Variants in PLCZ1 observed in about 807,000 individuals in gnomAD.
The protein encoded by PLCZ1 is 1-phosphatidylinositol 4,5-bisphosphate phosphodiesterase zeta-1.
A neutral mutation model predicts 76.8 loss-of-function variants in PLCZ1; 64 were observed. The observed-to-expected ratio is 0.83, with a 90% CI of 0.68 to 1.03. PLCZ1 has a LOEUF of 1.03. Among genes scored for constraint, PLCZ1 ranks in the 50% least tolerant of loss-of-function variants. The pLI, the probability that PLCZ1 is intolerant of heterozygous loss-of-function variation, is 0.00. For missense variants in PLCZ1, 751 were observed against 713.7 expected (o/e 1.05, Z -0.60); for synonymous variants, 248 against 230.8 (o/e 1.07, Z -0.68).
chr12:18,701,078 A>G (rs745307611), intron 9 of PLCZ1, among the ~76,000 whole-genome samples: 1 of 151,732 alleles, frequency 6.6e-6, no homozygotes, highest in Non-Finnish European at 1.5e-5. Flanking sequence ...TCCGCGTCCC[A>G]GGTTCAAGCA....
At chr12:18,662,389 T>G in the PLCZ1 span, among the ~76,000 whole-genome samples, 1 of 151,966 alleles carries the variant, frequency 6.6e-6, no homozygotes, top group African/African-American at 2.4e-5. Flanking sequence ...GAGAAATAAA[T>G]TTTGTTTATC....
At position 18,701,542 on chromosome 12, in the gene PLCZ1, C is replaced by T. The variant is rs528644759; in HGVS notation, c.976G>A (p.Val326Ile). The change falls in exon 9 of 15, where the codon GTA (valine) becomes ATA (isoleucine). Residue 326 changes from valine to isoleucine, a missense_variant. By Grantham distance (29) the Val-to-Ile change is conservative. Coordinates refer to ENST00000266505, the MANE Select transcript of PLCZ1 (RefSeq NM_033123.4). ...RGDNQDKETG[V>I]KKLPGVMLFK... ...AGCATTACTCCAGGTAACTTTTTTACCCCTGTTTCCTTGTCTTGATTGTCT... is the reference window on the plus strand; with the variant it reads ...AGCATTACTCCAGGTAACTTTTTTATCCCTGTTTCCTTGTCTTGATTGTCT... The T allele has an allele frequency of 1.8e-5, 29 of 1,613,956 alleles. 1 individual carries two copies. The highest frequency in any genetic ancestry group is 3.3e-4 in the Middle Eastern group (2 of 6,060).
the PLCZ1 span, among the ~76,000 whole-genome samples, chr12:18,663,060 G>C: frequency 1.3e-5 from 2 of 151,970 alleles, no homozygotes; most frequent in East Asian, 1.9e-4. Context: ...AAAAGACATA[G>C]ATGGAAAACT....
At chr12:18,712,612 C>A (rs145307189) in intron 6 of PLCZ1, among the ~76,000 whole-genome samples, 1 of 152,060 alleles carries the variant, frequency 6.6e-6, no homozygotes, top group Admixed American at 6.6e-5. Context: ...CACACACACA[C>A]GAGTAAACAA....
chr12:18,701,435 A>T, intron 9 of PLCZ1, 66 bp downstream of exon 9: 1 of 1,606,152 alleles, frequency 6.2e-7, no homozygotes, highest in Non-Finnish European at 8.5e-7. Flanking sequence ...TTTTAAAAAA[A>T]TCTCCAAGAA....
rs757326350 is a variant in PLCZ1 at position 18,688,215 on chromosome 12, T to A, written c.1465A>T (p.Ile489Phe). 3 of 1,607,294 alleles carry A rather than the reference T, an allele frequency of 1.9e-6. No individual in the cohort carries two copies. Among genetic ancestry groups the A allele is most frequent in the Admixed American group, 3.3e-5 (2 of 59,848 alleles). The change falls in exon 13 of 15, where the codon ATC (isoleucine) becomes TTC (phenylalanine). Residue 489 changes from isoleucine to phenylalanine, a missense_variant. Transcript: ENST00000266505. ...GMPITLTIRLISGIQLPLTHS... is the reference protein window; with the variant it reads ...GMPITLTIRLFSGIQLPLTHS... The stretch of plus-strand genomic sequence containing the variant: ...GTAAGAGGCAACTGGATACCACTGA[T>A]GAGCTGCACAAATATATATGAATAT...
Position 18,695,036 on chromosome 12 carries a change from T to C in PLCZ1, c.1335A>G (p.Gln445=), listed in dbSNP as rs766073984. Residue 445 remains glutamine (Q), a synonymous_variant, in exon 12 of 15, where the codon CAA becomes CAG. Coordinates refer to ENST00000266505, the MANE Select transcript of PLCZ1 (RefSeq NM_033123.4). The part of the protein sequence containing the change: ...FQTPGLPMDL[Q]NGKFLDNGGS... ...CACCATTATCCAAAAATTTCCCATT[T>C]TGCAGATCCATGGGCAGACCAGGGG... is the stretch of plus-strand genomic sequence containing the variant. 2.5e-6 allele frequency: 4 copies of C among 1,613,162 alleles called. No homozygotes were observed. In the East Asian group the frequency reaches 6.7e-5, roughly 27 times the overall value.
In PLCZ1 at chr12:18,723,403, A is replaced by C; in HGVS notation, c.275T>G (p.Leu92Arg). 6.2e-7 allele frequency: 1 copy of C among 1,613,070 alleles called. No homozygotes were observed. The highest frequency in any genetic ancestry group is 1.1e-5 in the South Asian group (1 of 91,058). ...TTGTTCTTGTGTCAGAAATTGAGCC[A>C]GATTACTTGCTAAAAGAATTTTCCG... ...ENRKILLASN[L>R]AQFLTQEQYA... Residue 92 changes from leucine (L) to arginine (R), a missense_variant, in exon 4 of 15, where the codon CTG (leucine) becomes CGG (arginine). Leu to Arg is a moderately radical substitution (Grantham distance 102). Coordinates refer to ENST00000266505, the MANE Select transcript of PLCZ1 (RefSeq NM_033123.4).
the PLCZ1 span, among the ~76,000 whole-genome samples, chr12:18,650,723 T>TTCCTGTCC: frequency 5.4e-5 from 1 of 18,366 alleles, no homozygotes; most frequent in African/African-American, 5.1e-4. Context: ...TATATATATA[T>TTCCTGTCC]ATATATATAT....
the PLCZ1 span, among the ~76,000 whole-genome samples, chr12:18,675,710 A>T: frequency 3.3e-5 from 5 of 152,280 alleles, no homozygotes; most frequent in East Asian, 3.9e-4. Flanking sequence ...GAATAAAATT[A>T]TATCTTTTGC....
the PLCZ1 span, among the ~76,000 whole-genome samples, chr12:18,673,875 A>T: frequency 6.9e-4 from 105 of 152,250 alleles, 1 homozygote; most frequent in South Asian, 0.021. Context: ...TGCCACATGG[A>T]CCTCTTTCAC....
At chr12:18,728,608 G>A (rs573736443) in intron 3 of PLCZ1, among the ~76,000 whole-genome samples, 3 of 152,120 alleles carry the variant, frequency 2.0e-5, no homozygotes, top group African/African-American at 7.2e-5. Flanking sequence ...AAAATTGGGA[G>A]AGAATGATGT....
chr12:18,650,275 C>G, the PLCZ1 span, among the ~76,000 whole-genome samples: 1 of 145,142 alleles, frequency 6.9e-6, no homozygotes, highest in Non-Finnish European at 1.5e-5. Context: ...GAGCAAAAAA[C>G]TTGAAGCTAA....
chr12:18,659,647 G>A, the PLCZ1 span, among the ~76,000 whole-genome samples: 1 of 147,028 alleles, frequency 6.8e-6, no homozygotes, highest in African/African-American at 2.5e-5. Context: ...CCTTTACTAT[G>A]GAATAGTTCT....
At chr12:18,679,086 G>A (rs1952192253), downstream of PLCZ1, among the ~76,000 whole-genome samples, 1 of 152,016 alleles carries the variant, frequency 6.6e-6, no homozygotes, top group African/African-American at 2.4e-5. Flanking sequence ...GAATGGCATT[G>A]AGCTTCTTTT....
intron 14 of PLCZ1, 108 bp downstream of exon 14, chr12:18,684,022 T>C: frequency 7.6e-7 from 1 of 1,308,510 alleles, no homozygotes; most frequent in South Asian, 1.3e-5. Context: ...AAAATTTCCT[T>C]TACATCCTAC....
the PLCZ1 span, among the ~76,000 whole-genome samples, chr12:18,654,345 G>A: frequency 6.6e-6 from 1 of 150,622 alleles, no homozygotes; most frequent in Non-Finnish European, 1.5e-5. Flanking sequence ...GCCTTGGAGA[G>A]CAGATATAAT....
the PLCZ1 span, among the ~76,000 whole-genome samples, chr12:18,672,736 T>C: frequency 1.3e-5 from 2 of 152,076 alleles, no homozygotes; most frequent in Admixed American, 1.3e-4. Flanking sequence ...AATTGAGGAA[T>C]AGATGCCTTG....
the PLCZ1 span, among the ~76,000 whole-genome samples, chr12:18,658,141 C>G: frequency 6.6e-6 from 1 of 152,006 alleles, no homozygotes; most frequent in Non-Finnish European, 1.5e-5. Context: ...TTGAGATTTC[C>G]TAATCTGAGG....
Sources: allele counts gnomAD v4.1 joint callset (sites outside exome capture counted in the v4.1 genomes callset), GRCh38; gene constraint gnomAD v4.1.1; transcripts MANE v1.5; gene names NCBI Gene and HGNC (gene_info 2026-07-23, HGNC 2026-07-21).